TMEM132D: variants seen among roughly 807,000 people sequenced by gnomAD.
TMEM132D encodes mature OL transmembrane protein.
In TMEM132D, 21 loss-of-function variants were observed where a neutral mutation model predicts 62.3. The ratio of observed to expected loss-of-function variants is 0.34; its 90% confidence interval spans 0.24 to 0.49. The LOEUF (loss-of-function observed/expected upper bound fraction) is 0.49. Ranked by LOEUF, TMEM132D falls within the 20% of genes least tolerant of loss-of-function variation. TMEM132D has a pLI of 0.99. For synonymous variants in TMEM132D, 621 were observed against 575.6 expected, an observed-to-expected ratio of 1.08 and a Z score of -1.13; for missense variants, 1,346 against 1,402.8, an observed-to-expected ratio of 0.96 and a Z score of 0.65.
chr12:129,746,469 G>C (rs560954046), intron 1 of TMEM132D, among the ~76,000 whole-genome samples: 1 of 152,126 alleles, frequency 6.6e-6, no homozygotes, highest in African/African-American at 2.4e-5. Context: ...GATATCATCA[G>C]ATTTAAAATA....
chr12:129,747,045 G>C (rs1047517564), intron 1 of TMEM132D, among the ~76,000 whole-genome samples: 1 of 152,162 alleles, frequency 6.6e-6, no homozygotes, highest in Non-Finnish European at 1.5e-5. Context: ...ACAGCAGCCA[G>C]AGTGAATCGT....
At chr12:129,432,106 A>T (rs539886581) in intron 3 of TMEM132D, among the ~76,000 whole-genome samples, 1 of 151,316 alleles carries the variant, frequency 6.6e-6, no homozygotes, top group East Asian at 1.9e-4. Flanking sequence ...CATATGGATG[A>T]ATGAATGGAT....
intron 5 of TMEM132D, among the ~76,000 whole-genome samples, chr12:129,201,239 T>C (rs1338578479): frequency 3.9e-5 from 6 of 152,208 alleles, no homozygotes; most frequent in Admixed American, 3.9e-4. Flanking sequence ...CAGCAAATTT[T>C]TCAGGAGTAA....
At chr12:129,166,145 A>G (rs997297365) in intron 5 of TMEM132D, among the ~76,000 whole-genome samples, 2 of 152,208 alleles carry the variant, frequency 1.3e-5, no homozygotes, top group Non-Finnish European at 2.9e-5. Context: ...CACAGCAGGC[A>G]CCACAAACTC....
chr12:129,689,453 A>C (rs1272685918), intron 2 of TMEM132D, among the ~76,000 whole-genome samples: 1 of 152,176 alleles, frequency 6.6e-6, no homozygotes, highest in Non-Finnish European at 1.5e-5. Flanking sequence ...CTCTAAGTGA[A>C]CACAAGCATG....
intron 3 of TMEM132D, among the ~76,000 whole-genome samples, chr12:129,374,920 G>A (rs530833535): frequency 1.3e-5 from 2 of 152,200 alleles, no homozygotes; most frequent in Non-Finnish European, 2.9e-5. Context: ...CACAAGCCAT[G>A]AGAGGTGAAA....
At chr12:129,185,912 G>A (rs1878211042) in intron 5 of TMEM132D, among the ~76,000 whole-genome samples, 1 of 152,166 alleles carries the variant, frequency 6.6e-6, no homozygotes, top group Non-Finnish European at 1.5e-5. Context: ...CCCTGGAAAT[G>A]TTCTTGTTTT....
intron 1 of TMEM132D, among the ~76,000 whole-genome samples, chr12:129,830,125 G>A (rs755366890): frequency 6.6e-6 from 1 of 152,106 alleles, no homozygotes; most frequent in Non-Finnish European, 1.5e-5. Context: ...TAAGGCTGAT[G>A]GCAATATCTA....
At chr12:129,489,360 T>C (rs1408196368) in intron 3 of TMEM132D, among the ~76,000 whole-genome samples, 1 of 152,218 alleles carries the variant, frequency 6.6e-6, no homozygotes, top group East Asian at 1.9e-4. Flanking sequence ...GGAATACATA[T>C]CATCCTTGAT....
At chr12:129,087,362 T>G (rs1265275117) in intron 5 of TMEM132D, among the ~76,000 whole-genome samples, 3 of 151,886 alleles carry the variant, frequency 2.0e-5, no homozygotes, top group Non-Finnish European at 4.4e-5. Flanking sequence ...ATTTTCTTTA[T>G]CCATTCATCC....
At chr12:129,303,218 T>A (rs112491784) in intron 4 of TMEM132D, among the ~76,000 whole-genome samples, 20 of 75,422 alleles carry the variant, frequency 2.7e-4, no homozygotes, top group Non-Finnish European at 3.7e-4. Context: ...GCCTCCACCA[T>A]CATCACTCGC....
intron 1 of TMEM132D, among the ~76,000 whole-genome samples, chr12:129,726,528 G>A (rs537634659): frequency 2.0e-5 from 3 of 152,260 alleles, no homozygotes; most frequent in African/African-American, 7.2e-5. Flanking sequence ...ATGGTCATGG[G>A]CCAGATCACA....
intron 3 of TMEM132D, among the ~76,000 whole-genome samples, chr12:129,364,095 A>C (rs1249305532): frequency 6.6e-6 from 1 of 152,226 alleles, no homozygotes; most frequent in Non-Finnish European, 1.5e-5. Context: ...TTTGTTCATC[A>C]TGAACACTCT....
chr12:129,414,709 C>T (rs971114717), intron 3 of TMEM132D, among the ~76,000 whole-genome samples: 3 of 152,194 alleles, frequency 2.0e-5, no homozygotes, highest in Admixed American at 1.3e-4. Flanking sequence ...CAATACATGA[C>T]TATTAACTAT....
rs375868329 is a variant in TMEM132D at position 129,636,737 on chromosome 12, T to TGTGTGTGAGAGAGAGA, written c.968+63072_968+63073insTCTCTCTCTCACACAC. On this transcript the variant is annotated intron_variant, in intron 2 of 8. Transcript: ENST00000422113. ...GTGTGTGTGTGTGTGTGTGTGTGTG[T>TGTGTGTGAGAGAGAGA]GAGAGAGAGAGAGAGAGAGACAGAG... Among the ~76,000 whole-genome samples the TGTGTGTGAGAGAGAGA allele has an allele frequency of 3.2e-3, 365 of 113,598 alleles. 2 individuals carry two copies. The highest frequency in any genetic ancestry group is 0.012 in the African/African-American group (345 of 29,988). The allele number at this position is 113,598 out of a possible 152,430, so 74.5% of individuals were successfully genotyped here.
At chr12:129,223,274 A>G (rs748641523) in intron 4 of TMEM132D, among the ~76,000 whole-genome samples, 15 of 151,828 alleles carry the variant, frequency 9.9e-5, no homozygotes, top group Non-Finnish European at 2.2e-4. Flanking sequence ...GATGGTTGCT[A>G]CTTCCGAGGC....
intron 1 of TMEM132D, among the ~76,000 whole-genome samples, chr12:129,722,386 C>T (rs1016172463): frequency 6.6e-6 from 1 of 152,204 alleles, no homozygotes; most frequent in South Asian, 2.1e-4. Flanking sequence ...GCTGCAAGCC[C>T]CCGTCACATC....
chr12:129,421,190 C>T (rs1325499368), intron 3 of TMEM132D, among the ~76,000 whole-genome samples: 4 of 152,082 alleles, frequency 2.6e-5, no homozygotes, highest in Non-Finnish European at 5.9e-5. Context: ...CTCGAACTCC[C>T]GGCCTCAAAT....
intron 1 of TMEM132D, among the ~76,000 whole-genome samples, chr12:129,764,596 G>A (rs79690176): frequency 9.9e-4 from 1 of 1,012 alleles, no homozygotes; most frequent in Non-Finnish European, 0.017. Context: ...GTGTTTGTAT[G>A]TGTGTGTGTG....
Sources: allele counts gnomAD v4.1 joint callset (sites outside exome capture counted in the v4.1 genomes callset), GRCh38; gene constraint gnomAD v4.1.1; transcripts MANE v1.5; gene names NCBI Gene and HGNC (gene_info 2026-07-23, HGNC 2026-07-21).